The following MTFR1 variants were observed in gnomAD, a reference collection of about 807,000 sequenced individuals.
MTFR1 encodes mitochondrial fission regulator 1.
A neutral mutation model predicts 38.8 loss-of-function variants in MTFR1; 28 were observed. The ratio of observed to expected loss-of-function variants is 0.72; its 90% CI spans 0.53 to 0.99. The LOEUF (loss-of-function observed/expected upper bound fraction) is 0.99, where lower values mean the gene tolerates loss of function less well. Ranked by LOEUF, MTFR1 falls within the 50% of genes least tolerant of loss-of-function variation. The pLI is 0.00. For synonymous variants in MTFR1, 145 were observed against 137.0 expected, an observed-to-expected ratio of 1.06 and a Z score of -0.41; for missense variants, 358 against 395.5, an observed-to-expected ratio of 0.91 and a Z score of 0.81.
chr8:65,778,246 C>T, the MTFR1 span, among the ~76,000 whole-genome samples: 1 of 152,198 alleles, frequency 6.6e-6, no homozygotes, highest in Admixed American at 6.5e-5. Flanking sequence ...CTCACACTTC[C>T]TCTTTCTTGA....
At chr8:65,675,896 T>C (rs1804695978) in intron 2 of MTFR1, among the ~76,000 whole-genome samples, 1 of 152,192 alleles carries the variant, frequency 6.6e-6, no homozygotes, top group South Asian at 2.1e-4. Context: ...TAAGCAAAAA[T>C]GTTTTTTAAA....
At chr8:65,677,996 C>T (rs1229966477) in intron 2 of MTFR1, among the ~76,000 whole-genome samples, 2 of 139,986 alleles carry the variant, frequency 1.4e-5, no homozygotes, top group Non-Finnish European at 3.0e-5. Context: ...AGCCTGGCAA[C>T]AGAGGGAGAC....
At chr8:65,703,522 C>T (rs1805686100) in intron 4 of MTFR1, among the ~76,000 whole-genome samples, 1 of 149,206 alleles carries the variant, frequency 6.7e-6, no homozygotes, top group Admixed American at 6.7e-5. Context: ...CAACTGCCGC[C>T]TCCCAGGTTC....
chr8:65,664,717 C>A (rs913909253), intron 1 of MTFR1, among the ~76,000 whole-genome samples: 1 of 151,322 alleles, frequency 6.6e-6, no homozygotes, highest in African/African-American at 2.4e-5. Flanking sequence ...CTGCCTCAGC[C>A]TCCCAGGTAG....
chr8:65,741,283 A>G (rs1807420206), intron 3 of MTFR1, among the ~76,000 whole-genome samples: 1 of 152,218 alleles, frequency 6.6e-6, no homozygotes, highest in Admixed American at 6.5e-5. Context: ...ATGCAATAAA[A>G]TACACGATTC....
At chr8:65,733,435 T>C (rs1379012609) in intron 3 of MTFR1, among the ~76,000 whole-genome samples, 1 of 152,222 alleles carries the variant, frequency 6.6e-6, no homozygotes, top group African/African-American at 2.4e-5. Flanking sequence ...GGATGCAGTC[T>C]TGGCCCAGAG....
intron 3 of MTFR1, among the ~76,000 whole-genome samples, chr8:65,762,514 GTTCTGTGACA>G (rs2128915122): frequency 6.6e-6 from 1 of 152,200 alleles, no homozygotes; most frequent in South Asian, 2.1e-4. Flanking sequence ...ACTTTTACTA[GTTCTGTGACA>G]TTAAACAGGT....
intron 6 of MTFR1, 115 bp downstream of exon 6, chr8:65,707,371 A>T: frequency 9.0e-7 from 1 of 1,106,524 alleles, no homozygotes; most frequent in Non-Finnish European, 1.3e-6. Context: ...TTTTTAGTTT[A>T]AAAAAAAGAT....
intron 2 of MTFR1, among the ~76,000 whole-genome samples, chr8:65,716,432 G>C (rs1398858657): frequency 6.6e-6 from 1 of 152,116 alleles, no homozygotes; most frequent in African/African-American, 2.4e-5. Context: ...CCAATCAGAA[G>C]CTGATGTAGA....
intron 3 of MTFR1, among the ~76,000 whole-genome samples, chr8:65,763,029 G>GTGTGTC (rs1554562393): frequency 1.6e-4 from 23 of 146,092 alleles, no homozygotes; most frequent in African/African-American, 5.3e-4. Flanking sequence ...GTGTGTGTGT[G>GTGTGTC]TGTGTGTGTA....
At chr8:65,669,475 C>G (rs1804499336) in intron 1 of MTFR1, among the ~76,000 whole-genome samples, 2 of 151,982 alleles carry the variant, frequency 1.3e-5, no homozygotes, top group South Asian at 4.2e-4. Flanking sequence ...CAAAAGAAAA[C>G]AAAACACCTT....
intron 3 of MTFR1, among the ~76,000 whole-genome samples, chr8:65,754,963 AAAAAAT>A (rs1286074612): frequency 2.6e-5 from 4 of 151,508 alleles, no homozygotes; most frequent in Admixed American, 6.6e-5. Flanking sequence ...GACTCCCTCA[AAAAAAT>A]AAAAATAAAA....
intron 1 of MTFR1, among the ~76,000 whole-genome samples, chr8:65,654,064 C>CA (rs34665689): frequency 0.21 from 17,815 of 83,158 alleles, 1,420 homozygotes; most frequent in Non-Finnish European, 0.27. Flanking sequence ...CTTTGTCTCT[C>CA]AAAAAAAAAA....
Position 65,704,803 on chromosome 8 carries a change from A to C in MTFR1, c.391A>C (p.Lys131Gln). 6.2e-7 allele frequency: 1 copy of C among 1,614,120 alleles called. No individual in the cohort carries two copies. Among genetic ancestry groups the C allele is most frequent in the Non-Finnish European group, 8.5e-7 (1 of 1,180,016 alleles). Reference protein sequence around the residue: ...PDLSQEEPQLKTPALANEEAL... With the variant: ...PDLSQEEPQLQTPALANEEAL... ...CTTGTCTCAAGAAGAGCCTCAGCTGAAGACCCCAGCGCTGGCAAATGAGGA... is the reference window on the plus strand; with the variant it reads ...CTTGTCTCAAGAAGAGCCTCAGCTGCAGACCCCAGCGCTGGCAAATGAGGA... Residue 131 changes from lysine to glutamine, a missense_variant, in exon 5 of 8, where the codon AAG becomes CAG. Lys to Gln is a moderately conservative substitution (Grantham distance 53). Coordinates refer to ENST00000262146, the MANE Select transcript of MTFR1 (RefSeq NM_014637.4).
intron 3 of MTFR1, chr8:65,724,973 T>C: frequency 8.1e-7 from 1 of 1,233,116 alleles, no homozygotes; most frequent in Non-Finnish European, 1.1e-6. Flanking sequence ...ATTAACTATT[T>C]ATTGATTTTT....
intron 3 of MTFR1, among the ~76,000 whole-genome samples, chr8:65,691,572 G>A (rs772947543): frequency 2.0e-5 from 3 of 152,186 alleles, no homozygotes; most frequent in African/African-American, 7.2e-5. Flanking sequence ...GATTACAGGC[G>A]TGAGCCACCG....
the MTFR1 span, among the ~76,000 whole-genome samples, chr8:65,776,763 T>C: frequency 1.4e-4 from 21 of 152,226 alleles, no homozygotes; most frequent in African/African-American, 4.8e-4. Flanking sequence ...CTTCACTTAT[T>C]AATCCTAACA....
rs562155817 is a variant in MTFR1, at chr8:65,752,202, A to G, written c.*49-18745A>G. 2.6e-5 allele frequency among the ~76,000 whole-genome samples: 4 copies of G among 152,028 alleles called. No individual in the cohort carries two copies. The South Asian group carries it at 8.3e-4, about 32-fold the overall frequency. On this transcript the variant is annotated intron_variant, in intron 3 of 3. Coordinates refer to the MTFR1 transcript ENST00000521247. ...CCAGTATTGTTAGTTACCAGAGCAT[A>G]TTTTTTTCCTTTCACTCTTATCTCT...
intron 3 of MTFR1, among the ~76,000 whole-genome samples, chr8:65,756,506 C>A (rs1412424541): frequency 1.3e-5 from 2 of 152,092 alleles, no homozygotes; most frequent in Non-Finnish European, 2.9e-5. Context: ...CTGATCCTTA[C>A]TTCCCCCTGC....
Sources: allele counts gnomAD v4.1 joint callset (sites outside exome capture counted in the v4.1 genomes callset), GRCh38; gene constraint gnomAD v4.1.1; transcripts MANE v1.5; gene names NCBI Gene and HGNC (gene_info 2026-07-23, HGNC 2026-07-21).